Variants in ELFN1 observed in about 807,000 individuals in gnomAD.
The protein encoded by ELFN1 is protein ELFN1.
In ELFN1, 6 loss-of-function variants were observed where a neutral mutation model predicts 7.6. The ratio of observed to expected loss-of-function variants is 0.79; its 90% confidence interval spans 0.43 to 1.56. ELFN1 has a LOEUF of 1.56. Among genes scored for constraint, ELFN1 ranks in the 40% most tolerant of loss-of-function variants. The pLI, the probability that ELFN1 is intolerant of heterozygous loss-of-function variation, is 0.01. For synonymous variants in ELFN1, 657 were observed against 588.1 expected, an observed-to-expected ratio of 1.12 and a Z score of -1.70; for missense variants, 1,169 against 1,232.2, an observed-to-expected ratio of 0.95 and a Z score of 0.77.
In ELFN1 at chr7:1,747,334, A is replaced by ACACACACC; in HGVS notation, c.*252_*253insACACACCC. 5.0e-6 allele frequency: 1 copy of ACACACACC among 200,158 alleles called. No homozygotes were observed. Among genetic ancestry groups the ACACACACC allele is most frequent in the Non-Finnish European group, 9.7e-6 (1 of 103,050 alleles). 12.4% of individuals were successfully genotyped at this position (200,158 alleles called of 1,614,324 possible). ...CACACACACACACACACACACACAC[A>ACACACACC]CGAGGGACTTCGGAAAACTGTGTCT... On this transcript the variant is annotated 3_prime_UTR_variant, in exon 4 of 4. Transcript: ENST00000424383.
At chr7:1,717,252 G>T (rs1433766163) in intron 3 of ELFN1, among the ~76,000 whole-genome samples, 2 of 152,222 alleles carry the variant, frequency 1.3e-5, no homozygotes, top group Non-Finnish European at 2.9e-5. Flanking sequence ...GCTGTTCTCT[G>T]CATGGAGATC....
intron 3 of ELFN1, among the ~76,000 whole-genome samples, chr7:1,732,145 C>T (rs1780338250): frequency 6.6e-6 from 1 of 152,164 alleles, no homozygotes; most frequent in African/African-American, 2.4e-5. Flanking sequence ...GCGGAGCAAG[C>T]ACAGGCAGCC....
In ELFN1 at chr7:1,682,610, T is replaced by A. The variant is rs1173592716; in HGVS notation, c.-548-5448T>A. 0.026 allele frequency among the ~76,000 whole-genome samples: 7 copies of A among 268 alleles called. No individual in the cohort carries two copies. The East Asian group carries it at 0.42, about 16-fold the overall frequency. The allele number at this position is 268 out of a possible 152,430, so 0.2% of individuals were successfully genotyped here. On this transcript the variant is annotated intron_variant, in intron 1 of 3. Coordinates refer to ENST00000424383, the MANE Select transcript of ELFN1 (RefSeq NM_001128636.4). ...CGTGTGCCATCATGCCAGGATAAAT[T>A]TTTTTTTTTTTTTTTTGTAGAGACA...
chr7:1,717,710 G>A (rs919376869), intron 3 of ELFN1, among the ~76,000 whole-genome samples: 1 of 152,132 alleles, frequency 6.6e-6, no homozygotes, highest in Admixed American at 6.5e-5. Flanking sequence ...GGGTGCTTTC[G>A]GGTATGAGAG....
intron 3 of ELFN1, among the ~76,000 whole-genome samples, chr7:1,717,600 T>C (rs6942534): frequency 0.17 from 25,635 of 152,090 alleles, 2,596 homozygotes; most frequent in African/African-American, 0.29. Context: ...GAGCCTGACC[T>C]TCCCAGAGAG....
At chr7:1,706,633 A>T (rs1779536039) in intron 2 of ELFN1, among the ~76,000 whole-genome samples, 1 of 152,180 alleles carries the variant, frequency 6.6e-6, no homozygotes, top group Non-Finnish European at 1.5e-5. Context: ...TGCCTGATCG[A>T]TGCTGGCTGT....
chr7:1,746,202 C>T lies in ELFN1; in HGVS notation c.1606C>T (p.Arg536Cys), dbSNP rs1432726003. 8 of 1,553,162 alleles carry T rather than the reference C, an allele frequency of 5.2e-6. No individual in the cohort carries two copies. Among genetic ancestry groups the T allele is most frequent in the South Asian group, 1.2e-5 (1 of 84,212 alleles). Reference protein sequence around the residue: ...MEVRTGDPPERRDCELGRPGP... With the variant: ...MEVRTGDPPECRDCELGRPGP... The stretch of plus-strand genomic sequence containing the variant: ...GGTTCGAACCGGGGACCCTCCGGAA[C>T]GCAGGGACTGTGAGCTGGGCCGGCC... Residue 536 changes from arginine to cysteine, a missense_variant, in exon 4 of 4, where the codon CGC becomes TGC. By Grantham distance (180) the Arg-to-Cys change is radical. This residue lies in a region of ELFN1 where 914 missense variants were observed against 872.6 expected (regional missense o/e 1.05). Coordinates refer to ENST00000424383, the MANE Select transcript of ELFN1 (RefSeq NM_001128636.4).
chr7:1,674,796 C>G (rs1778835177), intron 1 of ELFN1, among the ~76,000 whole-genome samples: 1 of 152,156 alleles, frequency 6.6e-6, no homozygotes, highest in African/African-American at 2.4e-5. Flanking sequence ...GAAAACTGCA[C>G]TCTGGGCTTC....
chr7:1,742,451 T>C (rs1299802203), intron 3 of ELFN1, among the ~76,000 whole-genome samples: 2 of 152,212 alleles, frequency 1.3e-5, no homozygotes, highest in Non-Finnish European at 2.9e-5. Flanking sequence ...ACAGGTTGTC[T>C]GGGCACGGTG....
chr7:1,730,508 C>T (rs1780305229), intron 3 of ELFN1, among the ~76,000 whole-genome samples: 1 of 152,178 alleles, frequency 6.6e-6, no homozygotes, highest in Non-Finnish European at 1.5e-5. Context: ...AGAAGTTATA[C>T]AAAAAATTCA....
At chr7:1,734,659 C>T (rs1214108179) in intron 3 of ELFN1, among the ~76,000 whole-genome samples, 1 of 152,048 alleles carries the variant, frequency 6.6e-6, no homozygotes, top group Non-Finnish European at 1.5e-5. Flanking sequence ...GGGCCTGCCT[C>T]TGCATATTCT....
At chr7:1,742,660 TG>T (rs1223448827) in intron 3 of ELFN1, among the ~76,000 whole-genome samples, 1 of 152,214 alleles carries the variant, frequency 6.6e-6, no homozygotes, top group Admixed American at 6.5e-5. Context: ...CCTGCCCGGC[TG>T]GGCTTGGCGT....
chr7:1,733,094 T>C (rs373851953), intron 3 of ELFN1, among the ~76,000 whole-genome samples: 1 of 152,054 alleles, frequency 6.6e-6, no homozygotes, highest in South Asian at 2.1e-4. Flanking sequence ...AGAGATGGGG[T>C]TTCACCATGT....
intron 2 of ELFN1, among the ~76,000 whole-genome samples, chr7:1,699,972 T>G (rs1779391958): frequency 6.6e-6 from 1 of 152,226 alleles, no homozygotes; most frequent in South Asian, 2.1e-4. Flanking sequence ...AGTGCTGGGA[T>G]TACAGGCGTG....
intron 1 of ELFN1, among the ~76,000 whole-genome samples, chr7:1,684,107 A>ACCACTGTACT (rs1198118832): frequency 4.6e-5 from 7 of 151,900 alleles, no homozygotes; most frequent in African/African-American, 1.7e-4. Context: ...CTAAGATTAC[A>ACCACTGTACT]CCACTGTACT....
At chr7:1,701,401 C>T (rs889367994) in intron 2 of ELFN1, among the ~76,000 whole-genome samples, 5 of 152,136 alleles carry the variant, frequency 3.3e-5, no homozygotes, top group Non-Finnish European at 7.3e-5. Flanking sequence ...GTTGCCCAGG[C>T]TAGCTTTTCA....
intron 2 of ELFN1, among the ~76,000 whole-genome samples, chr7:1,706,908 G>A (rs1051894716): frequency 4.6e-5 from 7 of 152,262 alleles, no homozygotes; most frequent in African/African-American, 1.4e-4. Flanking sequence ...ATGTGTCTGA[G>A]TGAGCCTTTG....
chr7:1,743,839 G>T (rs963334110), intron 3 of ELFN1, among the ~76,000 whole-genome samples: 2 of 152,122 alleles, frequency 1.3e-5, no homozygotes, highest in African/African-American at 4.8e-5. Flanking sequence ...GCCTTCACAC[G>T]CACATCCCTG....
intron 2 of ELFN1, among the ~76,000 whole-genome samples, chr7:1,703,170 G>A (rs1257728120): frequency 3.9e-5 from 6 of 152,116 alleles, no homozygotes; most frequent in South Asian, 2.1e-4. Context: ...TGGGCCATAC[G>A]TTTCGTAACC....
Sources: gnomAD v4.1 joint callset for allele counts (sites outside exome capture counted in the v4.1 genomes callset) on GRCh38, gnomAD v4.1.1 for gene constraint, gnomAD v4.1.1 regional missense constraint, MANE v1.5 for transcripts, NCBI Gene and HGNC (gene_info 2026-07-23, HGNC 2026-07-21) for gene names.